FRMD4A: variants seen among roughly 807,000 people sequenced by gnomAD.
FRMD4A encodes FERM domain containing 4A, also known as FERM domain-containing protein 4A.
A neutral mutation model predicts 129.1 loss-of-function variants in FRMD4A; 29 were observed. The ratio of observed to expected loss-of-function variants is 0.22; its 90% CI spans 0.17 to 0.31. The LOEUF is 0.31. Ranked by LOEUF, FRMD4A falls within the 10% of genes least tolerant of loss-of-function variation. The pLI is 1.00. For synonymous variants in FRMD4A, 634 were observed against 571.6 expected (o/e 1.11, Z -1.56); for missense variants, 1,272 against 1,375.8 (o/e 0.92, Z 1.19).
intron 2 of FRMD4A, among the ~76,000 whole-genome samples, chr10:14,210,099 G>A (rs751480239): frequency 4.6e-5 from 7 of 152,228 alleles, no homozygotes; most frequent in Non-Finnish European, 7.3e-5. Context: ...CACCAAGCTT[G>A]TGATACTTTG....
intron 2 of FRMD4A, among the ~76,000 whole-genome samples, chr10:14,275,532 G>A (rs1236155048): frequency 6.6e-6 from 1 of 152,188 alleles, no homozygotes; most frequent in African/African-American, 2.4e-5. Flanking sequence ...AGGGAGAAAG[G>A]ATGAAGAAAA....
At chr10:13,888,847 T>G (rs2094658764) in intron 2 of FRMD4A, among the ~76,000 whole-genome samples, 1 of 152,252 alleles carries the variant, frequency 6.6e-6, no homozygotes, top group African/African-American at 2.4e-5. Context: ...CTATTTCTCA[T>G]TTTGACATAT....
intron 5 of FRMD4A, among the ~76,000 whole-genome samples, chr10:13,784,075 A>T (rs10906482): frequency 0.3 from 44,956 of 152,032 alleles, 7,455 homozygotes; most frequent in East Asian, 0.52. Context: ...CAGGTGTAGC[A>T]ACCCTTAGGG....
At chr10:14,008,895 G>C (rs2095671622) in intron 2 of FRMD4A, among the ~76,000 whole-genome samples, 1 of 152,216 alleles carries the variant, frequency 6.6e-6, no homozygotes, top group South Asian at 2.1e-4. Flanking sequence ...ACAGTCCACA[G>C]AGAGAAAGTA....
intron 2 of FRMD4A, among the ~76,000 whole-genome samples, chr10:13,927,121 G>T (rs2131274206): frequency 6.6e-6 from 1 of 152,290 alleles, no homozygotes; most frequent in Admixed American, 6.5e-5. Context: ...GCTGGGCGTG[G>T]TGGCACACAC....
intron 2 of FRMD4A, among the ~76,000 whole-genome samples, chr10:14,179,184 C>A (rs78970087): frequency 6.6e-6 from 1 of 151,970 alleles, no homozygotes; most frequent in East Asian, 1.9e-4. Flanking sequence ...TTATTTAGGC[C>A]CCTTAGAGTC....
At chr10:13,651,854 TG>T in intron 24 of FRMD4A, 48 bp downstream of exon 24, 1 of 893,530 alleles carries the variant, frequency 1.1e-6, no homozygotes, top group Middle Eastern at 2.1e-4. Flanking sequence ...GCAACACATG[TG>T]GGACCACAGA....
intron 2 of FRMD4A, among the ~76,000 whole-genome samples, chr10:13,981,738 CAAAAAAAAAAAAAAAA>C (rs55829400): frequency 2.3e-4 from 22 of 97,670 alleles, no homozygotes; most frequent in African/African-American, 5.2e-4. Context: ...GACTCCGTGT[CAAAAAAAAAAAAAAAA>C]AAAAAAAAAA....
At chr10:13,875,915 T>C (rs2094484613) in intron 2 of FRMD4A, among the ~76,000 whole-genome samples, 1 of 152,178 alleles carries the variant, frequency 6.6e-6, no homozygotes, top group African/African-American at 2.4e-5. Flanking sequence ...CGGGGGAACT[T>C]GCTAATCTGA....
chr10:14,185,497 C>A (rs75889037), intron 2 of FRMD4A, among the ~76,000 whole-genome samples: 7 of 151,932 alleles, frequency 4.6e-5, no homozygotes, highest in Non-Finnish European at 8.8e-5. Context: ...ATTTTTCTAA[C>A]TTCAAGTATT....
intron 3 of FRMD4A, among the ~76,000 whole-genome samples, chr10:13,858,213 C>T (rs2094240236): frequency 6.6e-6 from 1 of 152,172 alleles, no homozygotes; most frequent in African/African-American, 2.4e-5. Flanking sequence ...GCAGGCAGAT[C>T]ACCTGAGGTC....
intron 2 of FRMD4A, among the ~76,000 whole-genome samples, chr10:14,130,811 A>C (rs1839208357): frequency 6.6e-6 from 1 of 152,222 alleles, no homozygotes; most frequent in African/African-American, 2.4e-5. Flanking sequence ...TAAGGCGTTT[A>C]CATTTATCTC....
chr10:13,989,396 G>T (rs949208405), intron 2 of FRMD4A, among the ~76,000 whole-genome samples: 1 of 151,816 alleles, frequency 6.6e-6, no homozygotes, highest in African/African-American at 2.4e-5. Flanking sequence ...TCGCTCTGTC[G>T]CCAGGCTGGA....
intron 13 of FRMD4A, among the ~76,000 whole-genome samples, chr10:13,706,105 A>C (rs1038813742): frequency 2.6e-5 from 4 of 152,228 alleles, no homozygotes; most frequent in Middle Eastern, 3.4e-3. Flanking sequence ...ATTGGTGCCA[A>C]GTCCTCCTTC....
chr10:14,027,389 C>A (rs1833033213), intron 2 of FRMD4A, among the ~76,000 whole-genome samples: 1 of 152,150 alleles, frequency 6.6e-6, no homozygotes, highest in Non-Finnish European at 1.5e-5. Flanking sequence ...GCCTATAATC[C>A]CAGCACTTTG....
chr10:14,322,933 A>G (rs1218411011), intron 2 of FRMD4A, among the ~76,000 whole-genome samples: 2 of 152,216 alleles, frequency 1.3e-5, no homozygotes, highest in Non-Finnish European at 2.9e-5. Context: ...CTGCCCCATC[A>G]TGTGTAAAAT....
intron 2 of FRMD4A, among the ~76,000 whole-genome samples, chr10:14,091,165 C>T (rs1429148518): frequency 6.6e-6 from 1 of 152,116 alleles, no homozygotes; most frequent in Non-Finnish European, 1.5e-5. Flanking sequence ...TCCTAGCTTT[C>T]CACAAAATTC....
chr10:13,855,172 A>G (rs1295298776), intron 3 of FRMD4A, among the ~76,000 whole-genome samples: 1 of 152,140 alleles, frequency 6.6e-6, no homozygotes, highest in South Asian at 2.1e-4. Flanking sequence ...TTTCTCTGCA[A>G]CCCAAAGAAG....
intron 3 of FRMD4A, among the ~76,000 whole-genome samples, chr10:13,851,830 G>A (rs1438396552): frequency 6.6e-6 from 1 of 151,610 alleles, no homozygotes; most frequent in Non-Finnish European, 1.5e-5. Flanking sequence ...AACTCAGGAG[G>A]CGAAGGTTAC....
Sources: gnomAD v4.1 joint callset for allele counts (sites outside exome capture counted in the v4.1 genomes callset) on GRCh38, gnomAD v4.1.1 for gene constraint, MANE v1.5 for transcripts, NCBI Gene and HGNC (gene_info 2026-07-23, HGNC 2026-07-21) for gene names.